Variants in SLC8A1 observed in about 807,000 individuals in gnomAD.
SLC8A1 encodes the protein sodium/calcium exchanger 1.
A neutral mutation model predicts 68.3 loss-of-function variants in SLC8A1; 18 were observed. The observed-to-expected ratio is 0.26, with a 90% CI of 0.18 to 0.39. The LOEUF (loss-of-function observed/expected upper bound fraction) is 0.39. Ranked by LOEUF, SLC8A1 falls within the 10% of genes least tolerant of loss-of-function variation. The pLI is 1.00. For synonymous variants in SLC8A1, 475 were observed against 415.5 expected (o/e 1.14, Z -1.74); for missense variants, 985 against 1,156.7 (o/e 0.85, Z 2.15).
chr2:40,235,474 T>C (rs989991959), intron 2 of SLC8A1, among the ~76,000 whole-genome samples: 23 of 152,314 alleles, frequency 1.5e-4, no homozygotes, highest in African/African-American at 5.5e-4. Context: ...ATTGCGTCTA[T>C]TTGAGTCTTC....
intron 2 of SLC8A1, among the ~76,000 whole-genome samples, chr2:40,313,866 AT>A (rs1201204421): frequency 6.6e-6 from 1 of 151,950 alleles, no homozygotes; most frequent in African/African-American, 2.4e-5. Context: ...TATTTGACCA[AT>A]TTTTTGCTGT....
At chr2:40,361,742 C>T (rs1014331312) in intron 2 of SLC8A1, among the ~76,000 whole-genome samples, 5 of 151,798 alleles carry the variant, frequency 3.3e-5, no homozygotes, top group Admixed American at 6.6e-5. Context: ...AGTGGCCACA[C>T]GTATCGGGTA....
At chr2:40,396,647 G>T (rs1686986566) in intron 2 of SLC8A1, among the ~76,000 whole-genome samples, 2 of 146,914 alleles carry the variant, frequency 1.4e-5, no homozygotes, top group Non-Finnish European at 3.0e-5. Context: ...AAATATTTCT[G>T]TAATCCTATG....
At chr2:40,193,294 C>T (rs972991420) in intron 2 of SLC8A1, among the ~76,000 whole-genome samples, 4 of 152,094 alleles carry the variant, frequency 2.6e-5, no homozygotes, top group African/African-American at 9.7e-5. Flanking sequence ...ATATGTTATT[C>T]CATTCAGCCA....
chr2:40,429,740 T>C, exon 2 of SLC8A1: 5 of 1,613,822 alleles, frequency 3.1e-6, no homozygotes, highest in Non-Finnish European at 3.4e-6. Flanking sequence ...GCAATAATGA[T>C]GAACATATTG....
intron 1 of SLC8A1, among the ~76,000 whole-genome samples, chr2:40,503,910 C>G (rs1706199728): frequency 6.6e-6 from 1 of 151,942 alleles, no homozygotes. Flanking sequence ...AATGCAATTC[C>G]TATCAAAATG....
intron 2 of SLC8A1, among the ~76,000 whole-genome samples, chr2:40,411,128 T>C (rs997038001): frequency 2.0e-5 from 3 of 152,180 alleles, no homozygotes; most frequent in Admixed American, 6.6e-5. Flanking sequence ...ATTAGGAACT[T>C]TGAAAAACAG....
chr2:40,288,689 G>C (rs144169856), intron 2 of SLC8A1, among the ~76,000 whole-genome samples: 1 of 152,038 alleles, frequency 6.6e-6, no homozygotes, highest in Non-Finnish European at 1.5e-5. Context: ...GTATAGGCAA[G>C]TGCTACAAAT....
chr2:40,147,422 G>A (rs527656025), intron 6 of SLC8A1, among the ~76,000 whole-genome samples: 42 of 152,248 alleles, frequency 2.8e-4, no homozygotes, highest in African/African-American at 1.0e-3. Context: ...TCCCGAAATA[G>A]GGAAACATTC....
intron 2 of SLC8A1, among the ~76,000 whole-genome samples, chr2:40,336,374 G>C (rs1486909059): frequency 6.6e-6 from 1 of 152,142 alleles, no homozygotes; most frequent in Non-Finnish European, 1.5e-5. Context: ...CAAAGGCCTT[G>C]CAGGGGCCTC....
intron 2 of SLC8A1, among the ~76,000 whole-genome samples, chr2:40,379,707 G>T (rs74886325): frequency 0.023 from 3,483 of 151,242 alleles, 58 homozygotes; most frequent in Non-Finnish European, 0.035. Flanking sequence ...TTGGGACCCT[G>T]TGCCTTTATG....
At chr2:40,508,222 T>C (rs958278774) in intron 1 of SLC8A1, among the ~76,000 whole-genome samples, 1 of 152,118 alleles carries the variant, frequency 6.6e-6, no homozygotes, top group African/African-American at 2.4e-5. Flanking sequence ...GAGTCTTCTT[T>C]CTCATTTGCC....
chr2:40,475,106 T>C (rs1343438639), intron 1 of SLC8A1, among the ~76,000 whole-genome samples: 1 of 152,140 alleles, frequency 6.6e-6, no homozygotes, highest in African/African-American at 2.4e-5. Flanking sequence ...CTTGTGAACT[T>C]CTTTCTGCTA....
At chr2:40,277,314 G>A (rs1272090778) in intron 2 of SLC8A1, among the ~76,000 whole-genome samples, 1 of 152,036 alleles carries the variant, frequency 6.6e-6, no homozygotes, top group Non-Finnish European at 1.5e-5. Flanking sequence ...GCCAAGGCGG[G>A]CGATCACTTG....
At chr2:40,230,638 ATAAT>A (rs889846017) in intron 2 of SLC8A1, among the ~76,000 whole-genome samples, 37 of 152,352 alleles carry the variant, frequency 2.4e-4, no homozygotes, top group South Asian at 6.2e-4. Flanking sequence ...CTTTAAAATT[ATAAT>A]TAATTATCAT....
At chr2:40,507,222 C>T (rs1009282929) in intron 1 of SLC8A1, among the ~76,000 whole-genome samples, 2 of 151,884 alleles carry the variant, frequency 1.3e-5, no homozygotes, top group African/African-American at 4.8e-5. Flanking sequence ...TTCCAATCGT[C>T]TTTACTTACA....
At chr2:40,214,143 A>C (rs960785955) in intron 2 of SLC8A1, among the ~76,000 whole-genome samples, 3 of 152,190 alleles carry the variant, frequency 2.0e-5, no homozygotes, top group Non-Finnish European at 2.9e-5. Flanking sequence ...TCCATGTATG[A>C]ATATGCACAC....
At chr2:40,368,708 C>T (rs1268660199) in intron 2 of SLC8A1, among the ~76,000 whole-genome samples, 1 of 151,870 alleles carries the variant, frequency 6.6e-6, no homozygotes, top group Non-Finnish European at 1.5e-5. Context: ...AGCCTAGTAC[C>T]CGTTAGTCAT....
chr2:40,249,154 G>T (rs1267677860), intron 2 of SLC8A1, among the ~76,000 whole-genome samples: 1 of 152,086 alleles, frequency 6.6e-6, no homozygotes, highest in African/African-American at 2.4e-5. Context: ...GCACTACTTT[G>T]TCGAAATCTT....
Sources: gnomAD v4.1 joint callset for allele counts (sites outside exome capture counted in the v4.1 genomes callset) on GRCh38, gnomAD v4.1.1 for gene constraint, MANE v1.5 for transcripts, NCBI Gene and HGNC (gene_info 2026-07-23, HGNC 2026-07-21) for gene names.